CCDC3: variants seen among roughly 807,000 people sequenced by gnomAD.
CCDC3 encodes coiled-coil domain-containing protein 3.
Under a neutral mutation model 21.4 loss-of-function variants are expected in CCDC3, and 24 were observed. That is an observed-to-expected ratio of 1.12 (90% CI 0.81 to 1.58). The LOEUF (loss-of-function observed/expected upper bound fraction) is 1.58. Among genes scored for constraint, CCDC3 ranks in the 40% most tolerant of loss-of-function variants. CCDC3 has a pLI of 0.00. For missense variants in CCDC3, 425 were observed against 360.9 expected (o/e 1.18, Z -1.44); for synonymous variants, 186 against 166.0 (o/e 1.12, Z -0.93).
At chr10:13,058,404 G>C in intron 4 of CCDC3, 1 of 856,846 alleles carries the variant, frequency 1.2e-6, no homozygotes, top group Non-Finnish European at 2.0e-6. Context: ...TAATTTGTCA[G>C]GCCAACCTTC....
At chr10:13,035,519 T>G (rs1836367281) in intron 5 of CCDC3, among the ~76,000 whole-genome samples, 1 of 152,184 alleles carries the variant, frequency 6.6e-6, no homozygotes, top group African/African-American at 2.4e-5. Flanking sequence ...AAGTTGTAAT[T>G]TTTGTTTTTG....
intron 2 of CCDC3, among the ~76,000 whole-genome samples, chr10:12,980,984 G>A (rs998963901): frequency 6.6e-6 from 1 of 152,168 alleles, no homozygotes; most frequent in African/African-American, 2.4e-5. Context: ...GCCAGAGGAA[G>A]GCTGGCTTGA....
chr10:12,952,089 C>T (rs1835017466), intron 2 of CCDC3, among the ~76,000 whole-genome samples: 1 of 152,174 alleles, frequency 6.6e-6, no homozygotes, highest in Admixed American at 6.5e-5. Context: ...TTCTAGCCGC[C>T]TAGAGAACAT....
At chr10:13,060,680 T>G (rs1008968713) in intron 4 of CCDC3, among the ~76,000 whole-genome samples, 1 of 152,102 alleles carries the variant, frequency 6.6e-6, no homozygotes, top group Admixed American at 6.6e-5. Flanking sequence ...AATTTTTAAA[T>G]TTTTTGTAGA....
At chr10:13,029,554 G>A (rs1249515193) in intron 5 of CCDC3, among the ~76,000 whole-genome samples, 1 of 152,098 alleles carries the variant, frequency 6.6e-6, no homozygotes, top group Non-Finnish European at 1.5e-5. Context: ...AGCTAAAGGA[G>A]GATGTCCGAA....
intron 2 of CCDC3, among the ~76,000 whole-genome samples, chr10:12,993,931 C>T (rs768433064): frequency 2.0e-5 from 3 of 152,136 alleles, no homozygotes; most frequent in Non-Finnish European, 2.9e-5. Flanking sequence ...AGTTTCCCTC[C>T]GTAAGATTTC....
Position 13,001,481 on chromosome 10 carries a change from G to A in CCDC3, c.90C>T (p.Pro30=). ...GCTCGGCGCGGCAGCCCTCGCTCAG[G>A]GGCCTCCACTCGGAGGGCAGCTGGC... is the stretch of plus-strand genomic sequence containing the variant. The part of the protein sequence containing the change: ...RACQLPSEWR[P]LSEGCRAELA... The change falls in exon 1 of 3, where the codon CCC becomes CCT. Residue 30 remains proline (P), a synonymous_variant. Coordinates refer to ENST00000378825, the MANE Select transcript of CCDC3 (RefSeq NM_031455.4). 1.4e-6 allele frequency: 2 copies of A among 1,384,758 alleles called. No individual in the cohort carries two copies. The highest frequency in any genetic ancestry group is 1.9e-6 in the Non-Finnish European group (2 of 1,071,788). The allele number at this position is 1,384,758 out of a possible 1,614,324, so 85.8% of individuals were successfully genotyped here. A position where few individuals can be genotyped will look rare whatever the true frequency, so the allele number is the denominator to read the frequency against.
chr10:13,075,449 T>C (rs1028729861), intron 3 of CCDC3, among the ~76,000 whole-genome samples: 3 of 10,466 alleles, frequency 2.9e-4, no homozygotes, highest in African/African-American at 1.3e-3. Flanking sequence ...GTTTTTTTGT[T>C]TTTTTTTTCT....
At chr10:13,032,539 G>A (rs1836319206) in intron 5 of CCDC3, among the ~76,000 whole-genome samples, 2 of 152,152 alleles carry the variant, frequency 1.3e-5, no homozygotes, top group African/African-American at 2.4e-5. Context: ...TAGGAAAAGA[G>A]GAAGTCAAAT....
intron 2 of CCDC3, among the ~76,000 whole-genome samples, chr10:12,923,464 T>G (rs573309410): frequency 5.3e-5 from 8 of 152,172 alleles, no homozygotes; most frequent in Admixed American, 2.0e-4. Flanking sequence ...ACCGTTTGCA[T>G]GGCCAATGTG....
rs59156443 is a variant in CCDC3, at chr10:13,041,511, T to A, written c.-2+8163A>T. On this transcript the variant is annotated intron_variant, in intron 5 of 6. Transcript: ENST00000378839. ...CCAAGTGTCTGGCAGATAATTTTTT[T>A]TTTTTTTTTTTTTTTTTTTTTTTTT... Among the ~76,000 whole-genome samples, 61 of 30,070 alleles carry A rather than the reference T, an allele frequency of 2.0e-3. 1 individual carries two copies. The South Asian group carries it at 0.026, about 13-fold the overall frequency. 19.7% of individuals were successfully genotyped at this position (30,070 alleles called of 152,430 possible).
chr10:12,908,613 T>TTTTC (rs1554752965), intron 2 of CCDC3, among the ~76,000 whole-genome samples: 2 of 41,416 alleles, frequency 4.8e-5, no homozygotes, highest in African/African-American at 2.7e-4. Context: ...GTGATTTTTC[T>TTTTC]TTTTTTTTTT....
chr10:12,922,947 A>G (rs1323724339), intron 2 of CCDC3, among the ~76,000 whole-genome samples: 1 of 152,204 alleles, frequency 6.6e-6, no homozygotes, highest in Non-Finnish European at 1.5e-5. Context: ...AATGTTCAGT[A>G]TATAAACTTA....
At position 12,999,322 on chromosome 10, in the gene CCDC3, T is replaced by C. The variant is rs115105612; in HGVS notation, c.375-810A>G. On this transcript the variant is annotated intron_variant, in intron 1 of 2. Coordinates refer to ENST00000378825, the MANE Select transcript of CCDC3 (RefSeq NM_031455.4). ...GCATTGCATCAAAAACCTAAGTAAATGAAGCACTTGGTACAAAGTAAATGC... is the reference window on the plus strand; with the variant it reads ...GCATTGCATCAAAAACCTAAGTAAACGAAGCACTTGGTACAAAGTAAATGC... Among the ~76,000 whole-genome samples, 1,477 of 152,292 alleles carry C rather than the reference T, an allele frequency of 9.7e-3. 26 individuals are homozygous for C. The highest frequency in any genetic ancestry group is 0.033 in the African/African-American group (1,388 of 41,558).
In CCDC3 at chr10:12,991,542, G is replaced by A. The variant is rs142276047; in HGVS notation, c.549+6796C>T. Among the ~76,000 whole-genome samples the A allele has an allele frequency of 7.1e-3, 1,080 of 151,940 alleles. 16 individuals are homozygous for A. The highest frequency in any genetic ancestry group is 0.025 in the African/African-American group (1,031 of 41,446). Reference sequence around the variant, plus strand: ...CACCATGTTGTATCACCATGTTGGCGAGGCTGGTCTCAAACTCCTGACCTC... The same window carrying A: ...CACCATGTTGTATCACCATGTTGGCAAGGCTGGTCTCAAACTCCTGACCTC... On this transcript the variant is annotated intron_variant, in intron 2 of 2. Transcript: ENST00000378825.
chr10:13,078,470 G>A (rs530576756), intron 3 of CCDC3, among the ~76,000 whole-genome samples: 2 of 152,312 alleles, frequency 1.3e-5, no homozygotes, highest in South Asian at 4.1e-4. Flanking sequence ...CAAGGATCTA[G>A]AACTAGAAAT....
In CCDC3 at chr10:12,998,378, GCC is replaced by G; in HGVS notation, c.507_508del (p.Ala170AspfsTer5). The G allele has an allele frequency of 6.2e-7, 1 of 1,614,056 alleles. No individual in the cohort carries two copies. ...GATTTCCCAGTCACTGGAGAAAGTCGCCAGCTGCTGCCCTTGCGAACAGTTTG... is the reference window on the plus strand; with the variant it reads ...GATTTCCCAGTCACTGGAGAAAGTCGAGCTGCTGCCCTTGCGAACAGTTTG... On this transcript the variant is annotated frameshift_variant, in exon 2 of 3. Transcript: ENST00000378825. LOFTEE classifies it high-confidence loss of function.
chr10:12,980,745 C>T (rs1292653786), intron 2 of CCDC3, among the ~76,000 whole-genome samples: 1 of 152,070 alleles, frequency 6.6e-6, no homozygotes, highest in Non-Finnish European at 1.5e-5. Flanking sequence ...TTCTTCTTTG[C>T]CTAGACCCTG....
chr10:12,944,361 C>G (rs963562455), intron 2 of CCDC3, among the ~76,000 whole-genome samples: 2 of 152,164 alleles, frequency 1.3e-5, no homozygotes, highest in African/African-American at 2.4e-5. Flanking sequence ...TAAACACAAG[C>G]GTTTTTTAAT....
Sources: gnomAD v4.1 joint callset for allele counts (sites outside exome capture counted in the v4.1 genomes callset) on GRCh38, gnomAD v4.1.1 for gene constraint, MANE v1.5 for transcripts, NCBI Gene and HGNC (gene_info 2026-07-23, HGNC 2026-07-21) for gene names.